Variants in SEL1L3 observed in about 807,000 individuals in gnomAD.
SEL1L3 encodes the protein SEL1L family member 3.
Under a neutral mutation model 142.8 loss-of-function variants are expected in SEL1L3, and 76 were observed. The observed-to-expected ratio is 0.53, with a 90% confidence interval of 0.44 to 0.64. The LOEUF (loss-of-function observed/expected upper bound fraction) is 0.64, where lower values mean the gene tolerates loss of function less well. SEL1L3 is among the 30% of genes least tolerant of loss of function. The pLI is 0.00. For synonymous variants in SEL1L3, 504 were observed against 519.6 expected (o/e 0.97, Z 0.41); for missense variants, 1,262 against 1,381.7 (o/e 0.91, Z 1.37).
intron 9 of SEL1L3, among the ~76,000 whole-genome samples, chr4:25,814,797 G>GT (rs35367626): frequency 0.13 from 18,740 of 148,326 alleles, 3,056 homozygotes; most frequent in African/African-American, 0.36. Context: ...CAAAATCAAG[G>GT]TTTTTTTTTT....
intron 4 of SEL1L3, 132 bp downstream of exon 4, chr4:25,833,316 C>T (rs1318633074): frequency 2.4e-5 from 21 of 859,636 alleles, no homozygotes; most frequent in Non-Finnish European, 3.7e-5. Flanking sequence ...TTGAAGCCCA[C>T]ATTTGGAAGT....
At chr4:25,752,340 C>A (rs1438028084) in intron 23 of SEL1L3, among the ~76,000 whole-genome samples, 12 of 151,158 alleles carry the variant, frequency 7.9e-5, no homozygotes, top group Non-Finnish European at 1.0e-4. Context: ...TGGCATGAAC[C>A]CCGGAGGCGG....
At chr4:25,817,741 T>C (rs1444297100) in intron 9 of SEL1L3, among the ~76,000 whole-genome samples, 2 of 152,090 alleles carry the variant, frequency 1.3e-5, no homozygotes, top group East Asian at 3.8e-4. Flanking sequence ...ATCTTTGTTT[T>C]TTTCTTCTTT....
At chr4:25,720,186 T>C in the SEL1L3 span, 5 of 152,160 alleles carry the variant, frequency 3.3e-5, no homozygotes, top group African/African-American at 1.2e-4. Flanking sequence ...TGCTGATTAT[T>C]AGTGTCAGAT....
At chr4:25,810,190 C>T (rs1713922397) in intron 9 of SEL1L3, among the ~76,000 whole-genome samples, 1 of 152,230 alleles carries the variant, frequency 6.6e-6, no homozygotes, top group Non-Finnish European at 1.5e-5. Flanking sequence ...TCAGAGGTGC[C>T]CAGTGCAGAT....
intron 8 of SEL1L3, 26 bp downstream of exon 8, chr4:25,819,782 C>G (rs1473606153): frequency 6.3e-7 from 1 of 1,597,562 alleles, no homozygotes; most frequent in South Asian, 1.1e-5. Context: ...GAGCTTAAAA[C>G]AGCTCCCCTG....
chr4:25,735,602 C>T, the SEL1L3 span, among the ~76,000 whole-genome samples: 1,741 of 151,136 alleles, frequency 0.012, 33 homozygotes, highest in African/African-American at 0.04. Context: ...TTATGGTGGA[C>T]GTTGTATCAT....
At chr4:25,810,076 T>C (rs1713914173) in intron 9 of SEL1L3, among the ~76,000 whole-genome samples, 1 of 152,200 alleles carries the variant, frequency 6.6e-6, no homozygotes, top group Non-Finnish European at 1.5e-5. Context: ...GCAGATGGTG[T>C]CAGCCCAGGG....
At chr4:25,744,348 C>CTTTTTTTTTTTTTT (rs35155388), downstream of SEL1L3, among the ~76,000 whole-genome samples, 1,017 of 101,402 alleles carry the variant, frequency 0.01, 146 homozygotes, top group Middle Eastern at 0.019. Flanking sequence ...ATGTGTGAGT[C>CTTTTTTTTTTTTTT]TTTTTTTTTT....
Position 25,786,265 on chromosome 4 carries a change from C to T in SEL1L3, c.2217+1959G>A, listed in dbSNP as rs116836527. ...CGTACTGTTCTTTGCATATGGAAAG[C>T]CCATTTTCAGCGTGGGGTTCTTTCA... On this transcript the variant is annotated intron_variant, in intron 13 of 23. Coordinates refer to ENST00000399878, the MANE Select transcript of SEL1L3 (RefSeq NM_015187.5). 7.1e-3 allele frequency among the ~76,000 whole-genome samples: 1,086 copies of T among 152,210 alleles called. 9 individuals are homozygous for T. The highest frequency in any genetic ancestry group is 0.025 in the African/African-American group (1,021 of 41,536).
intron 1 of SEL1L3, among the ~76,000 whole-genome samples, chr4:25,851,871 G>C (rs1357019863): frequency 7.2e-6 from 1 of 138,360 alleles, no homozygotes; most frequent in African/African-American, 2.8e-5. Flanking sequence ...CCTGGCGACA[G>C]AGTGAGACTC....
chr4:25,751,475 G>A (rs920719063), intron 23 of SEL1L3, among the ~76,000 whole-genome samples: 8 of 151,890 alleles, frequency 5.3e-5, no homozygotes, highest in Non-Finnish European at 8.8e-5. Flanking sequence ...TGTGTGTTCT[G>A]CTATCAGGCT....
At position 25,757,716 on chromosome 4, in the gene SEL1L3, A is replaced by G. The variant is rs760103864; in HGVS notation, c.3158T>C (p.Leu1053Pro). 2.3e-5 allele frequency: 36 copies of G among 1,597,000 alleles called. No homozygotes were observed. The highest frequency in any genetic ancestry group is 3.1e-5 in the Non-Finnish European group (36 of 1,172,132). ...GGCTGAGTGCAGGATAGCACCCCAGAGAAGCCGCAAGTGCAGGTAAAGCCA... is the reference window on the plus strand; with the variant it reads ...GGCTGAGTGCAGGATAGCACCCCAGGGAAGCCGCAAGTGCAGGTAAAGCCA... Reference protein sequence around the residue: ...LAWLYLHLRLLWGAILHSALI... With the variant: ...LAWLYLHLRLPWGAILHSALI... The change falls in exon 22 of 24, where the codon CTC becomes CCC. Residue 1053 changes from leucine to proline, a missense_variant. Physicochemically the swap from Leu to Pro is moderately conservative, Grantham distance 98. This residue lies in a region of SEL1L3 where 138 missense variants were observed against 129.7 expected (regional missense o/e 1.06). Transcript: ENST00000399878.
the SEL1L3 span, among the ~76,000 whole-genome samples, chr4:25,717,362 GT>G: frequency 6.6e-6 from 1 of 152,032 alleles, no homozygotes; most frequent in Non-Finnish European, 1.5e-5. Context: ...ATAATATTTT[GT>G]TTTATAAAAA....
chr4:25,839,497 C>G (rs1364860203), intron 2 of SEL1L3, among the ~76,000 whole-genome samples: 1 of 152,198 alleles, frequency 6.6e-6, no homozygotes, highest in Non-Finnish European at 1.5e-5. Context: ...CGCTAAGGAG[C>G]TGTTGAAAAG....
At chr4:25,758,162 A>C (rs756970418) in intron 21 of SEL1L3, among the ~76,000 whole-genome samples, 6 of 152,226 alleles carry the variant, frequency 3.9e-5, no homozygotes, top group African/African-American at 1.4e-4. Context: ...GGAATGCCTC[A>C]TCTTTCAAAA....
At chr4:25,839,468 G>A (rs1270171850) in intron 2 of SEL1L3, among the ~76,000 whole-genome samples, 1 of 152,158 alleles carries the variant, frequency 6.6e-6, no homozygotes, top group Non-Finnish European at 1.5e-5. Context: ...AATAAATTAC[G>A]GTCTGTCAGG....
intron 20 of SEL1L3, among the ~76,000 whole-genome samples, chr4:25,761,867 C>CCG (rs1393197067): frequency 6.6e-6 from 1 of 152,180 alleles, no homozygotes; most frequent in Non-Finnish European, 1.5e-5. Context: ...AAACACTGAT[C>CCG]GGTGAGGTAT....
the SEL1L3 span, among the ~76,000 whole-genome samples, chr4:25,739,128 G>A: frequency 6.6e-6 from 1 of 152,148 alleles, no homozygotes; most frequent in African/African-American, 2.4e-5. Flanking sequence ...ACCATCACTT[G>A]AACCTGGGAG....
Sources: gnomAD v4.1 joint callset for allele counts (sites outside exome capture counted in the v4.1 genomes callset) on GRCh38, gnomAD v4.1.1 for gene constraint, gnomAD v4.1.1 regional missense constraint, MANE v1.5 for transcripts, NCBI Gene and HGNC (gene_info 2026-07-23, HGNC 2026-07-21) for gene names.